The following KMT2A variants were observed in gnomAD, a reference collection of about 807,000 sequenced individuals.
The protein encoded by KMT2A is histone-lysine N-methyltransferase 2A.
A neutral mutation model predicts 345.3 loss-of-function variants in KMT2A; 16 were observed. The ratio of observed to expected loss-of-function variants is 0.05; its 90% CI spans 0.03 to 0.07. KMT2A has a LOEUF of 0.07. Among genes scored for constraint, KMT2A ranks in the 10% least tolerant of loss-of-function variants. KMT2A has a pLI of 1.00. For synonymous variants in KMT2A, 1,599 were observed against 1,778.6 expected, an observed-to-expected ratio of 0.90 and a Z score of 2.54; for missense variants, 3,272 against 4,841.6, an observed-to-expected ratio of 0.68 and a Z score of 9.62.
At chr11:118,477,316 CA>C (rs1555037786) in intron 4 of KMT2A, among the ~76,000 whole-genome samples, 3 of 152,002 alleles carry the variant, frequency 2.0e-5, no homozygotes, top group Non-Finnish European at 4.4e-5. Flanking sequence ...AGTGGACTGT[CA>C]GGGGAGTGGG....
chr11:118,476,817 G>A lies in KMT2A; in HGVS notation c.3169G>A (p.Asp1057Asn). 1 of 1,606,540 alleles carries A rather than the reference G, an allele frequency of 6.2e-7. No homozygotes were observed. Among genetic ancestry groups the A allele is most frequent in the South Asian group, 1.1e-5 (1 of 90,770 alleles). The part of the protein sequence containing the change: ...DQPKAQGQES[D>N]SSETSVRGPR... ...GCCTCATATTCAGGGTCAAGAAAGTGACTCATCAGAGACCTCTGTGCGAGG... is the reference window on the plus strand; with the variant it reads ...GCCTCATATTCAGGGTCAAGAAAGTAACTCATCAGAGACCTCTGTGCGAGG... The change falls in exon 4 of 36, where the codon GAC becomes AAC. Residue 1057 changes from aspartate (D) to asparagine (N), a missense_variant. Transcript: ENST00000534358. The surrounding 1 kb of genome is among the most constrained non-coding windows in gnomAD (Gnocchi z 4.1).
intron 4 of KMT2A, among the ~76,000 whole-genome samples, chr11:118,477,209 C>T (rs964694285): frequency 3.9e-5 from 6 of 152,130 alleles, no homozygotes; most frequent in African/African-American, 1.4e-4. Context: ...GCCCATCTCA[C>T]CCCCATGAAG....
rs781874357 is a variant in KMT2A at position 118,473,346 on chromosome 11, A to G, written c.2187A>G (p.Ser729=). ...SNRTSAGTSS[S]GVSNRKRKRK... ...GAACTTCTGCTGGAACATCTTCTTCAGGAGTATCCAATAGAAAAAGGAAAA... is the reference window on the plus strand; with the variant it reads ...GAACTTCTGCTGGAACATCTTCTTCGGGAGTATCCAATAGAAAAAGGAAAA... Residue 729 remains serine (S), a synonymous_variant, in exon 3 of 36, where the codon TCA becomes TCG. Coordinates refer to ENST00000534358, the MANE Select transcript of KMT2A (RefSeq NM_001197104.2). The surrounding 1 kb of genome is among the most constrained non-coding windows in gnomAD (Gnocchi z 5.2). The G allele has an allele frequency of 1.2e-6, 2 of 1,614,044 alleles. No homozygotes were observed. Among genetic ancestry groups the G allele is most frequent in the East Asian group, 4.5e-5 (2 of 44,882 alleles).
chr11:118,487,367 G>T (rs1447554535), intron 10 of KMT2A, among the ~76,000 whole-genome samples: 2 of 152,084 alleles, frequency 1.3e-5, no homozygotes, highest in Non-Finnish European at 2.9e-5. Flanking sequence ...AGAATAGCAT[G>T]CTGCCTGCAC....
At chr11:118,446,367 G>T (rs1277248980) in intron 1 of KMT2A, among the ~76,000 whole-genome samples, 1 of 152,072 alleles carries the variant, frequency 6.6e-6, no homozygotes, top group African/African-American at 2.4e-5. Context: ...GAAAAGAAAA[G>T]AAAAGAAAAG....
chr11:118,508,220 TATATGA>T (rs1237614882), intron 28 of KMT2A, among the ~76,000 whole-genome samples: 1 of 152,210 alleles, frequency 6.6e-6, no homozygotes, highest in African/African-American at 2.4e-5. Context: ...ACGTGGTATA[TATATGA>T]ATATGTATAC....
chr11:118,508,456 GC>G (rs1555049217), intron 28 of KMT2A, among the ~76,000 whole-genome samples: 1 of 152,188 alleles, frequency 6.6e-6, no homozygotes. Context: ...GAAAACTGGG[GC>G]TGGACACAGT....
At chr11:118,513,954 A>G (rs967872489) in intron 31 of KMT2A, among the ~76,000 whole-genome samples, 76 of 151,064 alleles carry the variant, frequency 5.0e-4, no homozygotes, top group African/African-American at 1.5e-3. Flanking sequence ...AAAAAAAAAA[A>G]AAAAGAAAAA....
rs1949191344 is a variant in KMT2A at position 118,436,746 on chromosome 11, G to A, written c.234G>A (p.Ala78=). The change falls in exon 1 of 36, where the codon GCG becomes GCA. Residue 78 remains alanine, a synonymous_variant. Coordinates refer to ENST00000534358, the MANE Select transcript of KMT2A (RefSeq NM_001197104.2). The surrounding 1 kb of genome is among the most constrained non-coding windows in gnomAD (Gnocchi z 6.9). ...GCGGGGCTGGGGTTCCAGGGGGAGC[G>A]GCCGCCGCCTCAGCAGCCTCCTCGT... ...GSSGAGVPGG[A]AAASAASSSS... The A allele has an allele frequency of 6.3e-7, 1 of 1,583,890 alleles. No individual in the cohort carries two copies. Among genetic ancestry groups the A allele is most frequent in the Non-Finnish European group, 8.6e-7 (1 of 1,165,802 alleles).
chr11:118,495,972 A>C lies in KMT2A; in HGVS notation c.5557+79A>C. 2.5e-6 allele frequency: 3 copies of C among 1,216,692 alleles called. No individual in the cohort carries two copies. The highest frequency in any genetic ancestry group is 3.5e-6 in the Non-Finnish European group (3 of 858,406). 75.4% of individuals were successfully genotyped at this position (1,216,692 alleles called of 1,614,324 possible). On this transcript the variant is annotated intron_variant, in intron 19 of 35. Transcript: ENST00000534358. This position sits in a 1 kb window ranked among gnomAD's most constrained non-coding sequence, Gnocchi z 4.1. Reference sequence around the variant, plus strand: ...GACTTCGTGAATCCAATTCACTAAAATTAGATATACTTGGATATCAGAAAG... The same window carrying C: ...GACTTCGTGAATCCAATTCACTAAACTTAGATATACTTGGATATCAGAAAG...
chr11:118,437,328 G>C (rs1949210313), intron 1 of KMT2A, among the ~76,000 whole-genome samples: 2 of 151,274 alleles, frequency 1.3e-5, no homozygotes, highest in African/African-American at 4.9e-5. Context: ...CCACATCCCC[G>C]CCTCCCTCTC....
At chr11:118,441,363 G>T (rs1949310087) in intron 1 of KMT2A, among the ~76,000 whole-genome samples, 1 of 152,050 alleles carries the variant, frequency 6.6e-6, no homozygotes, top group Non-Finnish European at 1.5e-5. Context: ...TTTTCGTTGT[G>T]TGGAAAAAAC....
chr11:118,513,359 AG>A (rs1478941375), intron 31 of KMT2A, among the ~76,000 whole-genome samples: 1 of 152,176 alleles, frequency 6.6e-6, no homozygotes, highest in Admixed American at 6.5e-5. Context: ...GCTCCTGGAA[AG>A]GTGGGTGAAT....
In KMT2A at chr11:118,521,785, A is replaced by G. The variant is rs1169738982; in HGVS notation, c.11644-112A>G. ...CTGGGAGAAATCTGGAAATTTTACT[A>G]GAAGAAACTTTCTCAGCCGCTATAG... On this transcript the variant is annotated intron_variant, in intron 35 of 35. Coordinates refer to ENST00000534358, the MANE Select transcript of KMT2A (RefSeq NM_001197104.2). This position sits in a 1 kb window ranked among gnomAD's most constrained non-coding sequence, Gnocchi z 5.3. The G allele has an allele frequency of 8.7e-7, 1 of 1,144,874 alleles. No homozygotes were observed. Among genetic ancestry groups the G allele is most frequent in the Non-Finnish European group, 1.2e-6 (1 of 815,276 alleles). 70.9% of individuals were successfully genotyped at this position (1,144,874 alleles called of 1,614,324 possible). A position where few individuals can be genotyped will look rare whatever the true frequency, so the allele number is the denominator to read the frequency against.
Position 118,501,025 on chromosome 11 carries a change from A to G in KMT2A, c.6197A>G (p.Lys2066Arg). The change falls in exon 25 of 36, where the codon AAG becomes AGG. Residue 2066 changes from lysine (K) to arginine (R), a missense_variant. Lys to Arg is a conservative substitution (Grantham distance 26). This residue lies in a region of KMT2A where 235 missense variants were observed against 503.4 expected (regional missense o/e 0.47). Transcript: ENST00000534358. ...TACTGGAGCACCACAGATGCTCGCA[A>G]GCGCTGTGTATATACATGCAAGATA... ...RVYWSTTDARKRCVYTCKIVE... is the reference protein window; with the variant it reads ...RVYWSTTDARRRCVYTCKIVE... The G allele has an allele frequency of 6.2e-7, 1 of 1,613,938 alleles. No homozygotes were observed. The highest frequency in any genetic ancestry group is 8.5e-7 in the Non-Finnish European group (1 of 1,179,856).
Position 118,494,250 on chromosome 11 carries a change from T to G in KMT2A, c.5179-38T>G. 9.3e-7 allele frequency: 1 copy of G among 1,081,062 alleles called. No individual in the cohort carries two copies. Among genetic ancestry groups the G allele is most frequent in the Non-Finnish European group, 1.4e-6 (1 of 697,776 alleles). The allele number at this position is 1,081,062 out of a possible 1,614,324, so 67.0% of individuals were successfully genotyped here. A position where few individuals can be genotyped will look rare whatever the true frequency, so the allele number is the denominator to read the frequency against. On this transcript the variant is annotated intron_variant, in intron 16 of 35. Transcript: ENST00000534358. This position sits in a 1 kb window ranked among gnomAD's most constrained non-coding sequence, Gnocchi z 5.8. ...AGAGGAAATGGTTTTCAGAGCACAC[T>G]GTTTTAAGAATAATTAACATTTTGT... is the stretch of plus-strand genomic sequence containing the variant.
chr11:118,507,064 A>G (rs539451626), intron 27 of KMT2A, among the ~76,000 whole-genome samples: 35 of 152,292 alleles, frequency 2.3e-4, no homozygotes, highest in African/African-American at 6.7e-4. Flanking sequence ...TGGAAGGCTG[A>G]GGCAGAAGGA....
At chr11:118,455,916 C>A (rs1428233784) in intron 1 of KMT2A, among the ~76,000 whole-genome samples, 1 of 152,078 alleles carries the variant, frequency 6.6e-6, no homozygotes, top group Non-Finnish European at 1.5e-5. Context: ...TCTTGAACTG[C>A]TGTCTCAAGC....
At chr11:118,453,196 G>A (rs1413620928) in intron 1 of KMT2A, among the ~76,000 whole-genome samples, 1 of 152,186 alleles carries the variant, frequency 6.6e-6, no homozygotes, top group East Asian at 1.9e-4. Flanking sequence ...TGAAAGTGCT[G>A]TGTGTAATTG....
Sources: allele counts gnomAD v4.1 joint callset (sites outside exome capture counted in the v4.1 genomes callset), GRCh38; gene constraint gnomAD v4.1.1; regional missense constraint gnomAD v4.1.1; non-coding constraint Gnocchi (gnomAD v3.1); transcripts MANE v1.5; gene names NCBI Gene and HGNC (gene_info 2026-07-23, HGNC 2026-07-21).